The following EPB41L4B variants were observed in gnomAD, a reference collection of about 807,000 sequenced individuals.
The protein encoded by EPB41L4B is band 4.1-like protein 4B.
A neutral mutation model predicts 112.5 loss-of-function variants in EPB41L4B; 30 were observed. The ratio of observed to expected loss-of-function variants is 0.27; its 90% CI spans 0.20 to 0.36. EPB41L4B has a LOEUF of 0.36. EPB41L4B is among the 10% of genes least tolerant of loss of function. The probability of loss-of-function intolerance (pLI) is 1.00; values close to 1 mark genes in which losing one functional copy is unlikely to be tolerated. For missense variants in EPB41L4B, 1,024 were observed against 1,133.3 expected, an observed-to-expected ratio of 0.90 and a Z score of 1.38; for synonymous variants, 408 against 439.7, an observed-to-expected ratio of 0.93 and a Z score of 0.90.
chr9:109,181,089 G>A (rs1170395564), intron 24 of EPB41L4B, among the ~76,000 whole-genome samples: 1 of 152,174 alleles, frequency 6.6e-6, no homozygotes, highest in African/African-American at 2.4e-5. Context: ...ATAGATCACT[G>A]CAGCGTCAGC....
chr9:109,321,030 G>A lies in EPB41L4B; in HGVS notation c.-584C>T. 5.3e-6 allele frequency: 1 copy of A among 189,544 alleles called. No homozygotes were observed. The highest frequency in any genetic ancestry group is 5.8e-5 in the Admixed American group (1 of 17,166). The allele number at this position is 189,544 out of a possible 1,614,324, so 11.7% of individuals were successfully genotyped here. On this transcript the variant is annotated 5_prime_UTR_variant, in exon 1 of 26. Transcript: ENST00000374566. Reference sequence around the variant, plus strand: ...TCCAGCCGCCGCCGCCGCCGCCGCCGCCGCTGCCGCCGGGACTGCAGCACG... The same window carrying A: ...TCCAGCCGCCGCCGCCGCCGCCGCCACCGCTGCCGCCGGGACTGCAGCACG...
intron 20 of EPB41L4B, among the ~76,000 whole-genome samples, chr9:109,198,699 G>A (rs1832725782): frequency 6.6e-6 from 1 of 152,178 alleles, no homozygotes; most frequent in East Asian, 1.9e-4. Flanking sequence ...CTTGAGGTCA[G>A]GAGTTCGAAA....
chr9:109,214,653 C>T (rs1833300203), intron 16 of EPB41L4B, among the ~76,000 whole-genome samples: 1 of 152,082 alleles, frequency 6.6e-6, no homozygotes, highest in East Asian at 1.9e-4. Context: ...ACAGCAGGTG[C>T]AAAGGACAGA....
At chr9:109,276,033 TTA>T (rs34358736) in intron 2 of EPB41L4B, among the ~76,000 whole-genome samples, 1 of 147,184 alleles carries the variant, frequency 6.8e-6, no homozygotes, top group African/African-American at 2.5e-5. Flanking sequence ...ATTTAAAGTT[TTA>T]TATATATATA....
At chr9:109,182,420 G>A (rs1191696713) in intron 24 of EPB41L4B, among the ~76,000 whole-genome samples, 3 of 152,150 alleles carry the variant, frequency 2.0e-5, no homozygotes, top group Admixed American at 6.5e-5. Flanking sequence ...GGAAAATGAG[G>A]AGGAACTGCT....
chr9:109,203,746 T>G lies in EPB41L4B; in HGVS notation c.1879-16A>C, dbSNP rs1475110776. The stretch of plus-strand genomic sequence containing the variant: ...CCTTTCCACCCTGTTAAAGAAAGCA[T>G]TCAGGTTAGTCAAAACTGAATATGT... On this transcript the variant is annotated splice_polypyrimidine_tract_variant and intron_variant, in intron 18 of 25. Transcript: ENST00000374566. 19 of 1,608,532 alleles carry G rather than the reference T, an allele frequency of 1.2e-5. No homozygotes were observed. In the East Asian group the frequency reaches 4.2e-4, roughly 36 times the overall value.
At chr9:109,280,803 A>C (rs571271163) in intron 1 of EPB41L4B, among the ~76,000 whole-genome samples, 7 of 152,008 alleles carry the variant, frequency 4.6e-5, no homozygotes, top group African/African-American at 1.7e-4. Flanking sequence ...CATAATCACA[A>C]AGAAAAAAAA....
intron 20 of EPB41L4B, among the ~76,000 whole-genome samples, chr9:109,195,793 A>C (rs2118711482): frequency 6.6e-6 from 1 of 152,340 alleles, no homozygotes; most frequent in East Asian, 1.9e-4. Context: ...CATTTTTCAC[A>C]GAAGGGAGTC....
intron 1 of EPB41L4B, among the ~76,000 whole-genome samples, chr9:109,317,194 A>C (rs1225495066): frequency 6.6e-6 from 1 of 152,194 alleles, no homozygotes; most frequent in Non-Finnish European, 1.5e-5. Flanking sequence ...GTCAGAAGAA[A>C]CAATTGCAGC....
At position 109,265,042 on chromosome 9, in the gene EPB41L4B, A is replaced by G. The variant is rs1835349587; in HGVS notation, c.534-18T>C. 1 of 1,598,496 alleles carries G rather than the reference A, an allele frequency of 6.3e-7. No homozygotes were observed. Among genetic ancestry groups the G allele is most frequent in the South Asian group, 1.1e-5 (1 of 87,512 alleles). ...ACAGGTACCTGACAAACATATACAA[A>G]AGTCAACAGAGGGTAACTCTTTCCC... On this transcript the variant is annotated intron_variant, in intron 4 of 25. Transcript: ENST00000374566.
intron 12 of EPB41L4B, among the ~76,000 whole-genome samples, chr9:109,252,128 G>A (rs1291502353): frequency 1.3e-5 from 2 of 152,192 alleles, no homozygotes; most frequent in African/African-American, 4.8e-5. Flanking sequence ...GCCATCTGGT[G>A]GGGTCAAACC....
At chr9:109,213,904 T>C (rs1833274092) in intron 16 of EPB41L4B, 86 bp from the exon 17 acceptor site, 2 of 1,197,138 alleles carry the variant, frequency 1.7e-6, no homozygotes, top group Admixed American at 1.7e-5. Context: ...CAGCGCCCGA[T>C]TCCCAGCACC....
At chr9:109,303,936 G>A (rs1221421144) in intron 1 of EPB41L4B, among the ~76,000 whole-genome samples, 1 of 151,902 alleles carries the variant, frequency 6.6e-6, no homozygotes, top group African/African-American at 2.4e-5. Flanking sequence ...AGGCTGTTCT[G>A]TTCTCACTGT....
chr9:109,226,843 T>C (rs112348775), intron 15 of EPB41L4B, among the ~76,000 whole-genome samples: 2,652 of 149,004 alleles, frequency 0.018, 74 homozygotes, highest in African/African-American at 0.054. Context: ...TATATATATA[T>C]ATTTGTTTTT....
chr9:109,271,169 C>T (rs1392616084), intron 2 of EPB41L4B, among the ~76,000 whole-genome samples: 7 of 152,230 alleles, frequency 4.6e-5, no homozygotes, highest in Non-Finnish European at 1.0e-4. Context: ...GATGCTGGTA[C>T]CGGGTGGCTG....
chr9:109,251,399 T>A, intron 13 of EPB41L4B, 82 bp downstream of exon 13: 2 of 1,345,912 alleles, frequency 1.5e-6, no homozygotes, highest in Non-Finnish European at 2.1e-6. Context: ...CTGATTTCAC[T>A]GTAGTAAGGA....
At chr9:109,268,918 T>C (rs949467709) in intron 2 of EPB41L4B, among the ~76,000 whole-genome samples, 5 of 115,666 alleles carry the variant, frequency 4.3e-5, no homozygotes, top group East Asian at 3.0e-4. Flanking sequence ...AAAAAAAAAT[T>C]CAACGTTTAT....
chr9:109,201,408 C>T (rs1287430052), intron 19 of EPB41L4B, among the ~76,000 whole-genome samples: 1 of 146,792 alleles, frequency 6.8e-6, no homozygotes, highest in Non-Finnish European at 1.5e-5. Context: ...AATGATTATG[C>T]TACTCCACTG....
At chr9:109,188,805 T>C (rs1275615386) in intron 22 of EPB41L4B, among the ~76,000 whole-genome samples, 1 of 152,116 alleles carries the variant, frequency 6.6e-6, no homozygotes, top group Non-Finnish European at 1.5e-5. Flanking sequence ...ATCTGGGTGT[T>C]AATTGGCTCT....
Sources: allele counts gnomAD v4.1 joint callset (sites outside exome capture counted in the v4.1 genomes callset), GRCh38; gene constraint gnomAD v4.1.1; transcripts MANE v1.5; gene names NCBI Gene and HGNC (gene_info 2026-07-23, HGNC 2026-07-21).